Variants in D2HGDH observed in about 807,000 individuals in gnomAD.
D2HGDH encodes D-2-hydroxyglutarate dehydrogenase, mitochondrial.
A neutral mutation model predicts 46.9 loss-of-function variants in D2HGDH; 31 were observed. That is an observed-to-expected ratio of 0.66 (90% confidence interval 0.50 to 0.89). The LOEUF is 0.89. Ranked by LOEUF, D2HGDH falls within the 40% of genes least tolerant of loss-of-function variation. The probability of loss-of-function intolerance (pLI) is 0.00; values close to 1 mark genes in which losing one functional copy is unlikely to be tolerated. For synonymous variants in D2HGDH, 364 were observed against 332.6 expected (o/e 1.09, Z -1.03); for missense variants, 698 against 720.8 (o/e 0.97, Z 0.36).
intron 8 of D2HGDH, chr2:241,755,358 T>A: frequency 7.7e-7 from 1 of 1,303,632 alleles, no homozygotes; most frequent in Non-Finnish European, 1.0e-6. Context: ...CCTGTGTGAC[T>A]CTGCGCCCCC....
At chr2:241,744,231 T>A (rs1695282868) in intron 5 of D2HGDH, among the ~76,000 whole-genome samples, 2 of 152,262 alleles carry the variant, frequency 1.3e-5, no homozygotes, top group South Asian at 4.1e-4. Context: ...CTCTCTGTCC[T>A]GTTTACCCAA....
In D2HGDH at chr2:241,735,507, A is replaced by G; in HGVS notation, c.283A>G (p.Thr95Ala). Residue 95 changes from threonine to alanine, a missense_variant, in exon 2 of 10, where the codon ACG becomes GCG. Transcript: ENST00000321264. The stretch of plus-strand genomic sequence containing the variant: ...GGCTCCCAACGTGGACTGGTTGCGG[A>G]CGCTGCGAGGTGGGTGAGGCTTGGG... ...LQAPNVDWLR[T>A]LRGCSKVLLR... 1.2e-6 allele frequency: 2 copies of G among 1,606,440 alleles called. No homozygotes were observed. Among genetic ancestry groups the G allele is most frequent in the African/African-American group, 1.3e-5 (1 of 75,042 alleles).
chr2:241,754,300 T>C (rs1697815054), intron 8 of D2HGDH, among the ~76,000 whole-genome samples: 1 of 152,056 alleles, frequency 6.6e-6, no homozygotes, highest in African/African-American at 2.4e-5. Context: ...GGGCTCTTGC[T>C]CAGGGCAGGG....
chr2:241,739,092 C>T (rs571184794), intron 2 of D2HGDH, among the ~76,000 whole-genome samples: 179 of 152,358 alleles, frequency 1.2e-3, no homozygotes, highest in Non-Finnish European at 1.3e-3. Context: ...TCACCTCTGG[C>T]GGCCTTGCCC....
At chr2:241,755,761 C>G in intron 8 of D2HGDH, 88 bp from the exon 9 acceptor site, 1 of 1,611,516 alleles carries the variant, frequency 6.2e-7, no homozygotes, top group Admixed American at 1.7e-5. Context: ...ACAGAACATG[C>G]TGCTGCCCTA....
Position 241,751,281 on chromosome 2 carries a change from T to C in D2HGDH, c.1033T>C (p.Ser345Pro). The C allele has an allele frequency of 1.2e-6, 2 of 1,614,006 alleles. No individual in the cohort carries two copies. Among genetic ancestry groups the C allele is most frequent in the Non-Finnish European group, 1.7e-6 (2 of 1,180,040 alleles). Reference protein sequence around the residue: ...PFYVLIETSGSNAGHDAEKLG... With the variant: ...PFYVLIETSGPNAGHDAEKLG... Reference sequence around the variant, plus strand: ...TTACGTCCTCATCGAGACTTCAGGCTCCAACGCAGGCCATGACGCTGAGAA... The same window carrying C: ...TTACGTCCTCATCGAGACTTCAGGCCCCAACGCAGGCCATGACGCTGAGAA... The change falls in exon 8 of 10, where the codon TCC (serine) becomes CCC (proline). Residue 345 changes from serine to proline, a missense_variant. Ser to Pro is a moderately conservative substitution (Grantham distance 74, BLOSUM62 -1). Transcript: ENST00000321264.
At position 241,743,510 on chromosome 2, in the gene D2HGDH, G is replaced by T; in HGVS notation, c.491-112G>T. On this transcript the variant is annotated intron_variant, in intron 4 of 9. Transcript: ENST00000321264. The surrounding 1 kb of genome is among the most constrained non-coding windows in gnomAD (Gnocchi z 4.8). ...GCCTCTTCTCCTCAGCCCTGGCGCT[G>T]AGGCTGATGTTCCTTCTGGGTGGCT... The T allele has an allele frequency of 7.9e-7, 1 of 1,269,228 alleles. No individual in the cohort carries two copies. 78.6% of individuals were successfully genotyped at this position (1,269,228 alleles called of 1,614,324 possible).
Position 241,751,332 on chromosome 2 carries a change from C to T in D2HGDH, c.1084C>T (p.Leu362=). ...EKLGHFLEHA[L]GSGLVTDGTM... is the part of the protein sequence containing the mutation. ...GCTGGGCCACTTCCTGGAGCACGCG[C>T]TGGGCTCCGGCCTGGTGACCGATGG... is the stretch of plus-strand genomic sequence containing the variant. The change falls in exon 8 of 10, where the codon CTG becomes TTG. Residue 362 remains leucine (L), a synonymous_variant. Coordinates refer to ENST00000321264, the MANE Select transcript of D2HGDH (RefSeq NM_152783.5). 6.2e-7 allele frequency: 1 copy of T among 1,613,812 alleles called. No individual in the cohort carries two copies. The highest frequency in any genetic ancestry group is 1.7e-4 in the Middle Eastern group (1 of 6,056).
chr2:241,756,101 G>A (rs1698145829), intron 9 of D2HGDH, 87 bp downstream of exon 9: 5 of 1,483,344 alleles, frequency 3.4e-6, no homozygotes, highest in Non-Finnish European at 4.5e-6. Flanking sequence ...TCGAGGCAGG[G>A]CAGTTTGACC....
chr2:241,753,842 C>A (rs752232061), intron 8 of D2HGDH, among the ~76,000 whole-genome samples: 2 of 152,252 alleles, frequency 1.3e-5, no homozygotes, highest in Non-Finnish European at 2.9e-5. Context: ...GCGGGAGAAG[C>A]CTTGCCCCAT....
At chr2:241,737,210 T>G (rs1236441385) in intron 2 of D2HGDH, among the ~76,000 whole-genome samples, 4 of 152,262 alleles carry the variant, frequency 2.6e-5, no homozygotes, top group Non-Finnish European at 5.9e-5. Context: ...GACATCGTGA[T>G]CCGCCTGCCT....
intron 9 of D2HGDH, among the ~76,000 whole-genome samples, chr2:241,760,614 T>C (rs1007564090): frequency 1.3e-5 from 2 of 151,372 alleles, no homozygotes; most frequent in Non-Finnish European, 2.9e-5. Flanking sequence ...TGGGTGGGCC[T>C]TACCCAATCA....
At chr2:241,752,965 C>G (rs1697519925) in intron 8 of D2HGDH, among the ~76,000 whole-genome samples, 1 of 151,854 alleles carries the variant, frequency 6.6e-6, no homozygotes, top group African/African-American at 2.4e-5. Context: ...CCCCAACGCC[C>G]CCAGCCTCTG....
intron 6 of D2HGDH, among the ~76,000 whole-genome samples, chr2:241,747,244 G>C (rs150842154): frequency 1.7e-3 from 262 of 152,310 alleles, no homozygotes; most frequent in Middle Eastern, 0.01. Flanking sequence ...TCTGTTTTTA[G>C]TGTCTGTTGT....
At chr2:241,747,375 A>T (rs1696132137) in intron 6 of D2HGDH, among the ~76,000 whole-genome samples, 1 of 142,394 alleles carries the variant, frequency 7.0e-6, no homozygotes, top group Non-Finnish European at 1.5e-5. Context: ...AAGACGAGGT[A>T]CCTTCCTCCA....
intron 9 of D2HGDH, among the ~76,000 whole-genome samples, chr2:241,761,639 G>C (rs908515715): frequency 6.6e-6 from 1 of 152,156 alleles, no homozygotes; most frequent in Non-Finnish European, 1.5e-5. Context: ...ATATCCGAGG[G>C]GTCCTGTATC....
chr2:241,742,469 CAGG>C lies in D2HGDH; in HGVS notation c.386_388del (p.Gln129_Gly130delinsArg). ...CGAGAGGAACCTGGCCGTGAACCCACAGGGGGGCAACACAGGCATGGTGGGTGG... is the reference window on the plus strand; with the variant it reads ...CGAGAGGAACCTGGCCGTGAACCCACGGGGCAACACAGGCATGGTGGGTGG... On this transcript the variant is annotated inframe_deletion, in exon 4 of 10. Transcript: ENST00000321264. This position sits in a 1 kb window ranked among gnomAD's most constrained non-coding sequence, Gnocchi z 4.8. 1 of 1,613,808 alleles carries C rather than the reference CAGG, an allele frequency of 6.2e-7. No individual in the cohort carries two copies. Among genetic ancestry groups the C allele is most frequent in the Non-Finnish European group, 8.5e-7 (1 of 1,179,902 alleles).
In D2HGDH at chr2:241,737,925, TG is replaced by T. The variant is rs1382322723; in HGVS notation, c.292+2410del. ...TCTGGAATTGTTTTTATCTTTTTTT[TG>T]TTGGCCCTTGTAGAAGATTGAAATT... On this transcript the variant is annotated intron_variant, in intron 2 of 9. Coordinates refer to ENST00000321264, the MANE Select transcript of D2HGDH (RefSeq NM_152783.5). 2.0e-5 allele frequency among the ~76,000 whole-genome samples: 3 copies of T among 152,320 alleles called. No homozygotes were observed. In the East Asian group the frequency reaches 5.8e-4, roughly 29 times the overall value.
At chr2:241,753,445 G>A (rs1697620069) in intron 8 of D2HGDH, among the ~76,000 whole-genome samples, 1 of 152,150 alleles carries the variant, frequency 6.6e-6, no homozygotes, top group Non-Finnish European at 1.5e-5. Flanking sequence ...GGCAGGTCCT[G>A]AGGCTTTTCT....
Sources: allele counts gnomAD v4.1 joint callset (sites outside exome capture counted in the v4.1 genomes callset), GRCh38; gene constraint gnomAD v4.1.1; non-coding constraint Gnocchi (gnomAD v3.1); transcripts MANE v1.5; gene names NCBI Gene and HGNC (gene_info 2026-07-23, HGNC 2026-07-21).